PTPRF: variants seen among roughly 807,000 people sequenced by gnomAD.
The protein encoded by PTPRF is receptor-type tyrosine-protein phosphatase F.
PTPRF carries 59 observed loss-of-function variants against 201.8 expected under a neutral mutation model. That is an observed-to-expected ratio of 0.29 (90% CI 0.24 to 0.36). The LOEUF (loss-of-function observed/expected upper bound fraction) is 0.36. Among genes scored for constraint, PTPRF ranks in the 10% least tolerant of loss-of-function variants. PTPRF has a pLI of 1.00. For missense variants in PTPRF, 2,132 were observed against 2,690.5 expected (o/e 0.79, Z 4.59); for synonymous variants, 1,088 against 1,089.7 (o/e 1.00, Z 0.03).
At chr1:43,618,185 CGTGTTCCCGGGGTATTCAT>C (rs1658334136) in intron 25 of PTPRF, among the ~76,000 whole-genome samples, 1 of 152,120 alleles carries the variant, frequency 6.6e-6, no homozygotes, top group Non-Finnish European at 1.5e-5. Flanking sequence ...CAGTTGCTGG[CGTGTTCCCGGGGTATTCAT>C]GTGTTCCCCA....
At chr1:43,522,121 C>T (rs1018248819), upstream of PTPRF, among the ~76,000 whole-genome samples, 7 of 152,186 alleles carry the variant, frequency 4.6e-5, no homozygotes, top group African/African-American at 7.2e-5. Flanking sequence ...CTTCTCTGTT[C>T]GGCTTCCCCT....
At chr1:43,613,851 G>T (rs1316117266) in intron 23 of PTPRF, 136 bp downstream of exon 23, 4 of 763,446 alleles carry the variant, frequency 5.2e-6, no homozygotes, top group Non-Finnish European at 6.7e-6. Context: ...AGGAGGGTTG[G>T]CAGTGGTAAG....
chr1:43,610,651 G>A (rs1249648842), intron 22 of PTPRF, among the ~76,000 whole-genome samples: 3 of 152,330 alleles, frequency 2.0e-5, no homozygotes, highest in Middle Eastern at 3.4e-3. Context: ...AGGCTGAGCC[G>A]GGTGGATCAC....
intron 13 of PTPRF, 135 bp downstream of exon 13, chr1:43,599,048 A>G: frequency 2.1e-6 from 2 of 947,978 alleles, no homozygotes; most frequent in Non-Finnish European, 3.1e-6. Context: ...CTTGGTTGTG[A>G]GACCCGAGAT....
intron 3 of PTPRF, among the ~76,000 whole-genome samples, chr1:43,547,688 CAAAT>C (rs1230029258): frequency 6.6e-6 from 1 of 152,234 alleles, no homozygotes; most frequent in Non-Finnish European, 1.5e-5. Context: ...CTTAACGAGA[CAAAT>C]GAATGGGGGC....
rs765620781 is a variant in PTPRF, at chr1:43,620,207, C to T, written c.5224C>T (p.Arg1742Trp). ...CATCATCGTCATGCTGACCAAGCTTCGGGAGATGGGCAGGGTGAGCCCACC... is the reference window on the plus strand; with the variant it reads ...CATCATCGTCATGCTGACCAAGCTTTGGGAGATGGGCAGGGTGAGCCCACC... ...STIIVMLTKL[R>W]EMGREKCHQY... Residue 1742 changes from arginine to tryptophan, a missense_variant, in exon 30 of 34, where the codon CGG (arginine) becomes TGG (tryptophan). Around this residue, in one of 6 missense-constraint regions of PTPRF, gnomAD observed 519 missense variants for 659.5 expected, o/e 0.79. Coordinates refer to ENST00000359947, the MANE Select transcript of PTPRF (RefSeq NM_002840.5). 1.8e-5 allele frequency: 29 copies of T among 1,613,910 alleles called. No individual in the cohort carries two copies. The highest frequency in any genetic ancestry group is 2.7e-5 in the African/African-American group (2 of 74,908).
At chr1:43,536,587 C>G (rs988611785) in intron 1 of PTPRF, among the ~76,000 whole-genome samples, 1 of 152,228 alleles carries the variant, frequency 6.6e-6, no homozygotes, top group Non-Finnish European at 1.5e-5. Flanking sequence ...TGCCCAGGGT[C>G]TCTGCACAAT....
At position 43,603,805 on chromosome 1, in the gene PTPRF, G is replaced by T. The variant is rs1386301338; in HGVS notation, c.2653G>T (p.Gly885Trp). 2 of 1,614,012 alleles carry T rather than the reference G, an allele frequency of 1.2e-6. No homozygotes were observed. Among genetic ancestry groups the T allele is most frequent in the East Asian group, 2.2e-5 (1 of 44,894 alleles). ...CTTCACAGTCACCGGCCTGCACAAG[G>T]GGACCACCTACATCTTCCGGCTTGC... Reference protein sequence around the residue: ...QHFTVTGLHKGTTYIFRLAAK... With the variant: ...QHFTVTGLHKWTTYIFRLAAK... The change falls in exon 16 of 34, where the codon GGG (glycine) becomes TGG (tryptophan). Residue 885 changes from glycine (G) to tryptophan (W), a missense_variant. Gly to Trp is a radical substitution (Grantham distance 184). Around this residue, in one of 6 missense-constraint regions of PTPRF, gnomAD observed 818 missense variants for 915.3 expected, o/e 0.89. Transcript: ENST00000359947. The surrounding 1 kb of genome is among the most constrained non-coding windows in gnomAD (Gnocchi z 5.8).
intron 1 of PTPRF, chr1:43,532,684 A>G (rs893132861): frequency 1.3e-5 from 2 of 154,224 alleles, no homozygotes; most frequent in Admixed American, 1.3e-4. Flanking sequence ...TTCTGTGCTT[A>G]GCTCCTTATT....
At position 43,592,491 on chromosome 1, in the gene PTPRF, C is replaced by T. The variant is rs1313265257; in HGVS notation, c.1703C>T (p.Thr568Ile). Residue 568 changes from threonine to isoleucine, a missense_variant, in exon 11 of 34, where the codon ACA becomes ATA. Around this residue, in one of 6 missense-constraint regions of PTPRF, gnomAD observed 351 missense variants for 401.7 expected, o/e 0.87. Transcript: ENST00000359947. Reference sequence around the variant, plus strand: ...ACCTTCGACCCAACCTCCTCCTACACACTAGAGGACCTGAAGCCTGACACA... The same window carrying T: ...ACCTTCGACCCAACCTCCTCCTACATACTAGAGGACCTGAAGCCTGACACA... Reference protein sequence around the residue: ...KVTFDPTSSYTLEDLKPDTLY... With the variant: ...KVTFDPTSSYILEDLKPDTLY... 5 of 1,612,916 alleles carry T rather than the reference C, an allele frequency of 3.1e-6. No individual in the cohort carries two copies. In the African/African-American group the frequency reaches 6.7e-5, roughly 22 times the overall value.
In PTPRF at chr1:43,605,679, C is replaced by T. The variant is rs1019250048; in HGVS notation, c.3483+57C>T. On this transcript the variant is annotated intron_variant, in intron 19 of 33. Transcript: ENST00000359947. ...CCCCATTGCAGTGGTCAGCTGTGGCCTTCCTGCCCTGAGCACTGTCCCAGT... is the reference window on the plus strand; with the variant it reads ...CCCCATTGCAGTGGTCAGCTGTGGCTTTCCTGCCCTGAGCACTGTCCCAGT... 2.7e-6 allele frequency: 4 copies of T among 1,507,872 alleles called. No homozygotes were observed. The African/African-American group carries it at 4.1e-5, about 16-fold the overall frequency. 93.4% of individuals were successfully genotyped at this position (1,507,872 alleles called of 1,614,324 possible).
Position 43,622,406 on chromosome 1 carries a change from C to T in PTPRF, c.*403C>T. 5.2e-6 allele frequency: 1 copy of T among 193,532 alleles called. No individual in the cohort carries two copies. Among genetic ancestry groups the T allele is most frequent in the Non-Finnish European group, 1.0e-5 (1 of 95,254 alleles). The allele number at this position is 193,532 out of a possible 1,614,324, so 12.0% of individuals were successfully genotyped here. A position where few individuals can be genotyped will look rare whatever the true frequency, so the allele number is the denominator to read the frequency against. On this transcript the variant is annotated 3_prime_UTR_variant, in exon 34 of 34. Transcript: ENST00000359947. ...TTTTCCTTTCGCGAATCCGTATCTG[C>T]AGAATGGGCCACTGTAGGGGTTGGG...
Position 43,588,639 on chromosome 1 carries a change from C to T in PTPRF, c.680-92C>T, listed in dbSNP as rs1649796613. 3.3e-6 allele frequency: 5 copies of T among 1,524,656 alleles called. No homozygotes were observed. The highest frequency in any genetic ancestry group is 1.4e-5 in the African/African-American group (1 of 73,416). The allele number at this position is 1,524,656 out of a possible 1,614,324, so 94.4% of individuals were successfully genotyped here. On this transcript the variant is annotated intron_variant, in intron 7 of 33. Coordinates refer to ENST00000359947, the MANE Select transcript of PTPRF (RefSeq NM_002840.5). This position sits in a 1 kb window ranked among gnomAD's most constrained non-coding sequence, Gnocchi z 5.3. ...TCTCTGAGCATGGGTTTGGCTCTGACCAGAGGGGCTTCCTGAATGAGGGGC... is the reference window on the plus strand; with the variant it reads ...TCTCTGAGCATGGGTTTGGCTCTGATCAGAGGGGCTTCCTGAATGAGGGGC...
At chr1:43,600,656 C>T (rs1277835960) in intron 13 of PTPRF, among the ~76,000 whole-genome samples, 1 of 152,090 alleles carries the variant, frequency 6.6e-6, no homozygotes, top group East Asian at 1.9e-4. Flanking sequence ...CAGGTTCCCA[C>T]CCCCAGCCTG....
intron 2 of PTPRF, among the ~76,000 whole-genome samples, chr1:43,543,815 G>A (rs1458748044): frequency 1.3e-5 from 2 of 152,184 alleles, no homozygotes; most frequent in Non-Finnish European, 2.9e-5. Flanking sequence ...GGGCCCCAAG[G>A]CGTGTTCACC....
Position 43,620,577 on chromosome 1 carries a change from C to A in PTPRF, c.5362C>A (p.Arg1788=). ...ILREFKVTDA[R]DGQSRTIRQF... is the part of the protein sequence containing the mutation. ...GCGTGAGTTCAAGGTCACGGATGCCCGGGTGAGTGAGTGCATTGAGTGTGT... is the reference window on the plus strand; with the variant it reads ...GCGTGAGTTCAAGGTCACGGATGCCAGGGTGAGTGAGTGCATTGAGTGTGT... The change falls in exon 31 of 34, where the codon CGG becomes AGG. Residue 1788 remains arginine, a splice_region_variant and synonymous_variant. Coordinates refer to ENST00000359947, the MANE Select transcript of PTPRF (RefSeq NM_002840.5). The A allele has an allele frequency of 6.2e-7, 1 of 1,613,370 alleles. No homozygotes were observed. The highest frequency in any genetic ancestry group is 8.5e-7 in the Non-Finnish European group (1 of 1,179,576).
In PTPRF at chr1:43,598,189, G is replaced by A. The variant is rs189915579; in HGVS notation, c.2119+136G>A. The A allele has an allele frequency of 1.2e-4, 109 of 941,050 alleles. No individual in the cohort carries two copies. In the Middle Eastern group the frequency reaches 1.7e-3, roughly 15 times the overall value. 58.3% of individuals were successfully genotyped at this position (941,050 alleles called of 1,614,324 possible). A position where few individuals can be genotyped will look rare whatever the true frequency, so the allele number is the denominator to read the frequency against. Reference sequence around the variant, plus strand: ...TGGTTCAGGTGTAATGGCCTAAAGTGGGGGGATGTCACTTACGGGATAACT... The same window carrying A: ...TGGTTCAGGTGTAATGGCCTAAAGTAGGGGGATGTCACTTACGGGATAACT... On this transcript the variant is annotated intron_variant, in intron 12 of 33. Coordinates refer to ENST00000359947, the MANE Select transcript of PTPRF (RefSeq NM_002840.5).
At position 43,588,789 on chromosome 1, in the gene PTPRF, C is replaced by T. The variant is rs200014267; in HGVS notation, c.738C>T (p.Gly246=). The T allele has an allele frequency of 1.2e-5, 20 of 1,613,940 alleles. No individual in the cohort carries two copies. The highest frequency in any genetic ancestry group is 4.0e-5 in the African/African-American group (3 of 75,046). The change falls in exon 8 of 34, where the codon GGC becomes GGT. Residue 246 remains glycine, a synonymous_variant. Transcript: ENST00000359947. The surrounding 1 kb of genome is among the most constrained non-coding windows in gnomAD (Gnocchi z 5.3). The part of the protein sequence containing the change: ...IPPSSQEVMP[G]GSVNLTCVAV... ...CCAGCAGCCAGGAGGTGATGCCAGG[C>T]GGCAGCGTGAACCTGACATGCGTGG... is the stretch of plus-strand genomic sequence containing the variant.
At chr1:43,533,898 T>C (rs1484360066) in intron 1 of PTPRF, among the ~76,000 whole-genome samples, 2 of 152,198 alleles carry the variant, frequency 1.3e-5, no homozygotes, top group East Asian at 1.9e-4. Flanking sequence ...CGGCTGCCTT[T>C]CTTCCTTTGG....
Sources: allele counts gnomAD v4.1 joint callset (sites outside exome capture counted in the v4.1 genomes callset), GRCh38; gene constraint gnomAD v4.1.1; regional missense constraint gnomAD v4.1.1; non-coding constraint Gnocchi (gnomAD v3.1); transcripts MANE v1.5; gene names NCBI Gene and HGNC (gene_info 2026-07-23, HGNC 2026-07-21).